Variants in PLEKHG4B observed in about 807,000 individuals in gnomAD.
PLEKHG4B encodes pleckstrin homology and RhoGEF domain containing G4B, also known as pleckstrin homology domain-containing family G member 4B.
In PLEKHG4B, 111 loss-of-function variants were observed where a neutral mutation model predicts 121.3. The ratio of observed to expected loss-of-function variants is 0.92; its 90% CI spans 0.78 to 1.07. The LOEUF (loss-of-function observed/expected upper bound fraction) is 1.07. Among genes scored for constraint, PLEKHG4B ranks in the 50% least tolerant of loss-of-function variants. PLEKHG4B has a pLI of 0.00. For synonymous variants in PLEKHG4B, 738 were observed against 725.0 expected (o/e 1.02, Z -0.29); for missense variants, 1,831 against 1,757.8 (o/e 1.04, Z -0.74).
rs1294774122 is a variant in PLEKHG4B at position 139,393 on chromosome 5, G to C, written c.244-90G>C. 5.0e-6 allele frequency: 2 copies of C among 398,458 alleles called. No individual in the cohort carries two copies. The highest frequency in any genetic ancestry group is 8.8e-6 in the Non-Finnish European group (2 of 226,274). 24.7% of individuals were successfully genotyped at this position (398,458 alleles called of 1,614,324 possible). A position where few individuals can be genotyped will look rare whatever the true frequency, so the allele number is the denominator to read the frequency against. On this transcript the variant is annotated intron_variant, in intron 2 of 19. Coordinates refer to ENST00000637938, the MANE Select transcript of PLEKHG4B (RefSeq NM_052909.5). The surrounding 1 kb of genome is among the most constrained non-coding windows in gnomAD (Gnocchi z 5.0). ...CCTTCCTTGTGGGAGCTCAGTCACT[G>C]ACCTTCCCCTGAGGGGTGGAGACCC...
intron 2 of PLEKHG4B, among the ~76,000 whole-genome samples, chr5:128,165 G>A (rs1377260180): frequency 1.3e-5 from 2 of 152,130 alleles, no homozygotes; most frequent in African/African-American, 4.8e-5. Context: ...GGACTGGGAG[G>A]GCCCGGAAGA....
intron 6 of PLEKHG4B, among the ~76,000 whole-genome samples, chr5:145,311 A>T (rs943447373): frequency 4.2e-4 from 64 of 152,224 alleles, no homozygotes; most frequent in African/African-American, 1.4e-3. Context: ...GATGGAGAGC[A>T]CAGCATCACC....
intron 14 of PLEKHG4B, 87 bp from the exon 15 acceptor site, chr5:170,956 C>T: frequency 9.5e-7 from 1 of 1,054,686 alleles, no homozygotes; most frequent in Non-Finnish European, 1.4e-6. Flanking sequence ...GGGACGGGAG[C>T]AGTTCCAAGT....
chr5:122,475 G>A (rs1351954994), intron 2 of PLEKHG4B, among the ~76,000 whole-genome samples: 2 of 151,662 alleles, frequency 1.3e-5, no homozygotes, highest in Admixed American at 6.6e-5. Context: ...GCTGGAGTAC[G>A]GTGGTGCGAT....
chr5:147,121 G>A (rs1406643571), intron 6 of PLEKHG4B, among the ~76,000 whole-genome samples: 1 of 152,222 alleles, frequency 6.6e-6, no homozygotes, highest in Non-Finnish European at 1.5e-5. Context: ...GTGACTCCCT[G>A]AGGTCAGGAA....
At chr5:118,798 T>TTATATATATA (rs149558716) in intron 2 of PLEKHG4B, among the ~76,000 whole-genome samples, 1 of 151,078 alleles carries the variant, frequency 6.6e-6, no homozygotes, top group African/African-American at 2.4e-5. Context: ...TTGTCATATA[T>TTATATATATA]TATATATATA....
At chr5:131,118 C>CTTTTTTTTTTTTTT (rs370839530) in intron 2 of PLEKHG4B, among the ~76,000 whole-genome samples, 12 of 148,122 alleles carry the variant, frequency 8.1e-5, no homozygotes, top group African/African-American at 3.0e-4. Context: ...AAGCTGCTTC[C>CTTTTTTTTTTTTTT]TTTTTTTTTT....
chr5:154,313 T>G (rs1245434214), intron 7 of PLEKHG4B, among the ~76,000 whole-genome samples: 2 of 152,114 alleles, frequency 1.3e-5, no homozygotes, highest in African/African-American at 2.4e-5. Flanking sequence ...CCCTTCCCTT[T>G]CTTTTTCTTT....
chr5:148,675 A>G (rs745958005), intron 6 of PLEKHG4B, among the ~76,000 whole-genome samples: 1 of 152,210 alleles, frequency 6.6e-6, no homozygotes, highest in African/African-American at 2.4e-5. Context: ...ATTCAGTGCA[A>G]TCCCTATCAA....
chr5:162,007 A>AT, intron 12 of PLEKHG4B, 63 bp downstream of exon 12: 1 of 1,512,074 alleles, frequency 6.6e-7, no homozygotes, highest in South Asian at 1.3e-5. Flanking sequence ...GACATCTAGC[A>AT]AGTGCCTCCC....
rs146974111 is a variant in PLEKHG4B at position 137,059 on chromosome 5, G to A, written c.244-2424G>A. ...GGATAGCAAAATATAGTATGTACAC[G>A]CAATGGAAGATTATGCAACCCTCAG... On this transcript the variant is annotated intron_variant, in intron 2 of 19. Coordinates refer to ENST00000637938, the MANE Select transcript of PLEKHG4B (RefSeq NM_052909.5). This position sits in a 1 kb window ranked among gnomAD's most constrained non-coding sequence, Gnocchi z 4.2. Among the ~76,000 whole-genome samples the A allele has an allele frequency of 2.3e-3, 356 of 152,284 alleles. 3 individuals are homozygous for A. The highest frequency in any genetic ancestry group is 8.3e-3 in the African/African-American group (346 of 41,552).
chr5:174,909 T>TA (rs1183473494), intron 18 of PLEKHG4B, among the ~76,000 whole-genome samples: 1 of 152,044 alleles, frequency 6.6e-6, no homozygotes, highest in Non-Finnish European at 1.5e-5. Flanking sequence ...TCTAAGGGCC[T>TA]AATCACTCTG....
At position 140,563 on chromosome 5, in the gene PLEKHG4B, A is replaced by G. The variant is rs1215040352; in HGVS notation, c.1324A>G (p.Arg442Gly). The G allele has an allele frequency of 1.9e-6, 3 of 1,607,690 alleles. No individual in the cohort carries two copies. The highest frequency in any genetic ancestry group is 1.1e-5 in the South Asian group (1 of 90,270). Residue 442 changes from arginine to glycine, a missense_variant, in exon 3 of 20, where the codon AGG becomes GGG. Transcript: ENST00000637938. Reference sequence around the variant, plus strand: ...TCCCAGGAGATCTCGGTCCTGGGAAAGGGCACCCAGAAGCTCCAGAGGGGC... The same window carrying G: ...TCCCAGGAGATCTCGGTCCTGGGAAGGGGCACCCAGAAGCTCCAGAGGGGC... ...TLPRRSRSWE[R>G]APRSSRGAQA...
In PLEKHG4B at chr5:189,111, G is replaced by A. The variant is rs566032714; in HGVS notation, c.*6788G>A. The A allele has an allele frequency of 2.2e-4, 33 of 152,478 alleles. 1 individual carries two copies. The South Asian group carries it at 5.4e-3, about 25-fold the overall frequency. 9.4% of individuals were successfully genotyped at this position (152,478 alleles called of 1,614,324 possible). On this transcript the variant is annotated 3_prime_UTR_variant, in exon 20 of 20. Transcript: ENST00000637938. ...GCATTGCCGTTCGGGGCCTGCAGTC[G>A]CCCATAATGGGCCCTGCCCCCTAGG... is the stretch of plus-strand genomic sequence containing the variant.
At chr5:155,124 T>C in intron 8 of PLEKHG4B, 133 bp downstream of exon 8, 2 of 907,148 alleles carry the variant, frequency 2.2e-6, no homozygotes, top group Non-Finnish European at 3.5e-6. Context: ...CGTTCAGGTC[T>C]TCGTGTCTAC....
At position 140,237 on chromosome 5, in the gene PLEKHG4B, C is replaced by T. The variant is rs1735115100; in HGVS notation, c.998C>T (p.Pro333Leu). 8 of 1,433,008 alleles carry T rather than the reference C, an allele frequency of 5.6e-6. No individual in the cohort carries two copies. Among genetic ancestry groups the T allele is most frequent in the Middle Eastern group, 2.4e-4 (1 of 4,146 alleles). The allele number at this position is 1,433,008 out of a possible 1,614,324, so 88.8% of individuals were successfully genotyped here. The part of the protein sequence containing the change: ...ALTFHTDLGI[P>L]SSRRRPPGDP... ...ACCTTCCACACAGACCTGGGCATCC[C>T]GAGCAGCAGGAGGCGGCCGCCGGGG... Residue 333 changes from proline (P) to leucine (L), a missense_variant, in exon 3 of 20, where the codon CCG (proline) becomes CTG (leucine). Transcript: ENST00000637938.
At chr5:99,332 G>A (rs549394183) in intron 1 of PLEKHG4B, among the ~76,000 whole-genome samples, 50 of 151,376 alleles carry the variant, frequency 3.3e-4, no homozygotes, top group African/African-American at 1.1e-3. Flanking sequence ...ATCACTTTAG[G>A]TAGTGTGGAC....
chr5:135,685 AT>A (rs1560918184), intron 2 of PLEKHG4B, among the ~76,000 whole-genome samples: 139 of 31,012 alleles, frequency 4.5e-3, no homozygotes, highest in African/African-American at 6.2e-3. Context: ...AAAAAAAAAT[AT>A]ATATATATAT....
At chr5:119,180 T>C (rs1308693196) in intron 2 of PLEKHG4B, among the ~76,000 whole-genome samples, 1 of 152,086 alleles carries the variant, frequency 6.6e-6, no homozygotes, top group Non-Finnish European at 1.5e-5. Flanking sequence ...TACATGTAGC[T>C]TACTAGGATT....
Sources: allele counts gnomAD v4.1 joint callset (sites outside exome capture counted in the v4.1 genomes callset), GRCh38; gene constraint gnomAD v4.1.1; non-coding constraint Gnocchi (gnomAD v3.1); transcripts MANE v1.5; gene names NCBI Gene and HGNC (gene_info 2026-07-23, HGNC 2026-07-21).